TMTC1: variants seen among roughly 807,000 people sequenced by gnomAD.
TMTC1 encodes protein O-mannosyl-transferase TMTC1.
TMTC1 carries 73 observed loss-of-function variants against 104.8 expected under a neutral mutation model. That is an observed-to-expected ratio of 0.70 (90% confidence interval 0.58 to 0.85). TMTC1 has a LOEUF of 0.85. TMTC1 is among the 40% of genes least tolerant of loss of function. TMTC1 has a pLI of 0.00. For synonymous variants in TMTC1, 434 were observed against 428.7 expected (o/e 1.01, Z -0.15); for missense variants, 1,035 against 1,096.1 (o/e 0.94, Z 0.79).
At chr12:29,636,519 A>G (rs886135920) in intron 5 of TMTC1, among the ~76,000 whole-genome samples, 3 of 152,176 alleles carry the variant, frequency 2.0e-5, no homozygotes, top group Non-Finnish European at 4.4e-5. Context: ...ATAGTTATTT[A>G]CATGTTACCA....
chr12:29,512,187 C>T, intron 16 of TMTC1, 67 bp from the exon 17 acceptor site: 1 of 1,319,542 alleles, frequency 7.6e-7, no homozygotes, highest in South Asian at 1.4e-5. Flanking sequence ...GCAGAAACCA[C>T]TTTCTTCACG....
At chr12:29,591,307 T>G (rs1946275117) in intron 7 of TMTC1, among the ~76,000 whole-genome samples, 1 of 152,082 alleles carries the variant, frequency 6.6e-6, no homozygotes, top group Non-Finnish European at 1.5e-5. Flanking sequence ...ATGGCCTCCT[T>G]TTGAAAGTGG....
intron 5 of TMTC1, among the ~76,000 whole-genome samples, chr12:29,642,475 T>C (rs1233787771): frequency 1.3e-5 from 2 of 152,120 alleles, no homozygotes; most frequent in Admixed American, 6.6e-5. Context: ...GTGAAGAATA[T>C]TGTATCCAGC....
At chr12:29,637,089 C>A (rs60379231) in intron 5 of TMTC1, among the ~76,000 whole-genome samples, 324 of 27,624 alleles carry the variant, frequency 0.012, 4 homozygotes, top group African/African-American at 0.023. Context: ...ATGAGAAACA[C>A]ACACACACAC....
At chr12:29,617,272 A>T (rs759839589) in intron 6 of TMTC1, among the ~76,000 whole-genome samples, 20 of 151,812 alleles carry the variant, frequency 1.3e-4, no homozygotes, top group Non-Finnish European at 2.5e-4. Context: ...AGACACCTCC[A>T]CCCCAGTTTA....
At chr12:29,543,568 CTGT>C (rs763099819) in intron 10 of TMTC1, among the ~76,000 whole-genome samples, 9 of 152,118 alleles carry the variant, frequency 5.9e-5, no homozygotes, top group Non-Finnish European at 1.3e-4. Context: ...GTCGGGGTGT[CTGT>C]TGTTGTTGGA....
intron 9 of TMTC1, among the ~76,000 whole-genome samples, chr12:29,563,568 G>A (rs906661748): frequency 2.0e-5 from 3 of 152,182 alleles, no homozygotes; most frequent in Non-Finnish European, 4.4e-5. Context: ...CTAGGGGTGT[G>A]AAACATCTTG....
rs148313584 is a variant in TMTC1, at chr12:29,609,616, A to G, written c.1129-5317T>C. On this transcript the variant is annotated intron_variant, in intron 6 of 17. Transcript: ENST00000539277. ...TCTACTGAGGCTATCAAAGTTGAAG[A>G]TAATACAGACCGCATCTGATGGATG... Among the ~76,000 whole-genome samples the G allele has an allele frequency of 7.1e-4, 108 of 152,362 alleles. No individual in the cohort carries two copies. The East Asian group carries it at 0.017, about 24-fold the overall frequency.
intron 5 of TMTC1, among the ~76,000 whole-genome samples, chr12:29,739,709 T>G (rs1565805813): frequency 6.6e-6 from 1 of 151,966 alleles, no homozygotes; most frequent in Non-Finnish European, 1.5e-5. Flanking sequence ...AAAGTCAATC[T>G]TTTTTGTTTT....
intron 5 of TMTC1, among the ~76,000 whole-genome samples, chr12:29,645,246 C>A (rs536738183): frequency 3.9e-5 from 6 of 152,340 alleles, no homozygotes; most frequent in African/African-American, 1.4e-4. Flanking sequence ...ATCTGCTAGA[C>A]TTGCAGTTGT....
At position 29,755,939 on chromosome 12, in the gene TMTC1, G is replaced by C. The variant is rs1943206552; in HGVS notation, c.555-54C>G. 1.9e-6 allele frequency: 3 copies of C among 1,548,260 alleles called. No individual in the cohort carries two copies. The East Asian group carries it at 6.8e-5, about 35-fold the overall frequency. On this transcript the variant is annotated intron_variant, in intron 3 of 17. Coordinates refer to ENST00000539277, the MANE Select transcript of TMTC1 (RefSeq NM_001193451.2). ...TCTAAGAAAGAATATGGTCTGCTAA[G>C]AAATGCCACCTCTTAAAGATAAGAT... is the stretch of plus-strand genomic sequence containing the variant.
chr12:29,517,323 A>T (rs1944015793), intron 14 of TMTC1, 104 bp downstream of exon 14: 3 of 1,252,450 alleles, frequency 2.4e-6, no homozygotes, highest in Non-Finnish European at 3.4e-6. Flanking sequence ...TACAGTGGAT[A>T]TATTACGGCA....
At chr12:29,596,153 T>A (rs1946398596) in intron 7 of TMTC1, among the ~76,000 whole-genome samples, 1 of 152,084 alleles carries the variant, frequency 6.6e-6, no homozygotes, top group Non-Finnish European at 1.5e-5. Flanking sequence ...ATTACAGGCA[T>A]GCGCCACCAC....
At chr12:29,519,367 C>G (rs1258399485) in intron 12 of TMTC1, 2 of 152,144 alleles carry the variant, frequency 1.3e-5, no homozygotes, top group Non-Finnish European at 2.9e-5. Flanking sequence ...CAAAGATATT[C>G]AACAGACTTG....
intron 2 of TMTC1, among the ~76,000 whole-genome samples, chr12:29,762,625 G>C (rs924930533): frequency 6.6e-6 from 1 of 152,188 alleles, no homozygotes; most frequent in East Asian, 1.9e-4. Context: ...CTTGCATTAA[G>C]AGAAACCTGG....
intron 7 of TMTC1, among the ~76,000 whole-genome samples, chr12:29,594,894 C>G (rs114258170): frequency 2.7e-4 from 41 of 151,916 alleles, no homozygotes; most frequent in Non-Finnish European, 3.4e-4. Context: ...AGGTTAGAAA[C>G]GACATGAAGA....
Position 29,755,900 on chromosome 12 carries a change from G to A in TMTC1, c.555-15C>T, listed in dbSNP as rs557264868. The stretch of plus-strand genomic sequence containing the variant: ...GATCCAGACTCCTGAAAAACAAGTT[G>A]GAGATTCTTTTAATCTAAGAAAGAA... On this transcript the variant is annotated splice_polypyrimidine_tract_variant and intron_variant, in intron 3 of 17. Transcript: ENST00000539277. 1.9e-6 allele frequency: 3 copies of A among 1,611,158 alleles called. No homozygotes were observed. In the South Asian group the frequency reaches 3.3e-5, roughly 18 times the overall value.
intron 10 of TMTC1, among the ~76,000 whole-genome samples, chr12:29,542,042 C>G (rs1376213166): frequency 1.3e-5 from 2 of 152,130 alleles, no homozygotes; most frequent in Admixed American, 1.3e-4. Context: ...ATTGACAAGT[C>G]AATTTCAAAG....
chr12:29,695,793 T>TTATATATATATATATATA (rs113135039), intron 5 of TMTC1, among the ~76,000 whole-genome samples: 1,137 of 83,336 alleles, frequency 0.014, 58 homozygotes, highest in Non-Finnish European at 0.022. Context: ...TACTTCCTTT[T>TTATATATATATATATATA]TATATATATA....
Sources: gnomAD v4.1 joint callset for allele counts (sites outside exome capture counted in the v4.1 genomes callset) on GRCh38, gnomAD v4.1.1 for gene constraint, MANE v1.5 for transcripts, NCBI Gene and HGNC (gene_info 2026-07-23, HGNC 2026-07-21) for gene names.